RTRAF: variants seen among roughly 807,000 people sequenced by gnomAD.
RTRAF encodes the protein RNA transcription, translation and transport factor.
A neutral mutation model predicts 34.4 loss-of-function variants in RTRAF; 14 were observed. The ratio of observed to expected loss-of-function variants is 0.41; its 90% CI spans 0.27 to 0.64. The LOEUF (loss-of-function observed/expected upper bound fraction) is 0.64. Among genes scored for constraint, RTRAF ranks in the 30% least tolerant of loss-of-function variants. RTRAF has a pLI of 0.34. For synonymous variants in RTRAF, 96 were observed against 95.3 expected (o/e 1.01, Z -0.04); for missense variants, 291 against 288.4 (o/e 1.01, Z -0.06).
chr14:51,990,981 TTAAA>T (rs1239675099), intron 1 of RTRAF, among the ~76,000 whole-genome samples: 1 of 152,224 alleles, frequency 6.6e-6, no homozygotes, highest in African/African-American at 2.4e-5. Context: ...AAGAAACTTC[TTAAA>T]TAAAACAACT....
At position 52,010,055 on chromosome 14, in the gene RTRAF, A is replaced by G. The variant is rs547329658; in HGVS notation, c.*5539A>G. On this transcript the variant is annotated 3_prime_UTR_variant, in exon 8 of 8. Transcript: ENST00000261700. ...AAATGTCAGAAAGGCAAGCCTATGC[A>G]AAGAGTTTTTAAGAGGGCTATTAAT... 1.3e-5 allele frequency: 2 copies of G among 152,314 alleles called. No homozygotes were observed. The highest frequency in any genetic ancestry group is 3.9e-4 in the East Asian group (2 of 5,188). The allele number at this position is 152,314 out of a possible 1,614,324, so 9.4% of individuals were successfully genotyped here. A position where few individuals can be genotyped will look rare whatever the true frequency, so the allele number is the denominator to read the frequency against.
At chr14:51,998,670 G>T in intron 4 of RTRAF, 90 bp downstream of exon 4, 1 of 782,908 alleles carries the variant, frequency 1.3e-6, no homozygotes, top group Non-Finnish European at 2.0e-6. Flanking sequence ...GGTTTACTTG[G>T]TTTTAGTAAA....
chr14:52,004,574 GGCATGTTTGGAAATCA>G lies in RTRAF; in HGVS notation c.*59_*74del. 6.7e-7 allele frequency: 1 copy of G among 1,482,074 alleles called. No individual in the cohort carries two copies. The highest frequency in any genetic ancestry group is 9.0e-7 in the Non-Finnish European group (1 of 1,104,988). 91.8% of individuals were successfully genotyped at this position (1,482,074 alleles called of 1,614,324 possible). On this transcript the variant is annotated 3_prime_UTR_variant, in exon 8 of 8. Transcript: ENST00000261700. ...GTACAGTTGGGAACCATACACTTCTGGCATGTTTGGAAATCAAAATGTCACATTCTCGGGGGAGGAA... is the reference window on the plus strand; with the variant it reads ...GTACAGTTGGGAACCATACACTTCTGAAATGTCACATTCTCGGGGGAGGAA...
At chr14:51,996,014 T>C (rs1303486199) in intron 3 of RTRAF, among the ~76,000 whole-genome samples, 2 of 152,154 alleles carry the variant, frequency 1.3e-5, no homozygotes, top group Non-Finnish European at 2.9e-5. Context: ...GTTTATTTGT[T>C]TTATTCTATT....
rs1285036069 is a variant in RTRAF at position 52,005,868 on chromosome 14, A to C, written c.*1352A>C. The C allele has an allele frequency of 1.9e-6, 3 of 1,543,448 alleles. No individual in the cohort carries two copies. Among genetic ancestry groups the C allele is most frequent in the South Asian group, 2.2e-5 (2 of 89,628 alleles). On this transcript the variant is annotated 3_prime_UTR_variant, in exon 8 of 8. Coordinates refer to ENST00000261700, the MANE Select transcript of RTRAF (RefSeq NM_016039.3). ...ACCATCCCTGGTAACAGAAAGGAAG[A>C]GTGAATTCAGGGACAGTCATTTACT...
rs558433979 is a variant in RTRAF at position 52,007,737 on chromosome 14, G to T, written c.*3221G>T. The T allele has an allele frequency of 3.1e-6, 4 of 1,291,358 alleles. No homozygotes were observed. The highest frequency in any genetic ancestry group is 1.3e-5 in the South Asian group (1 of 78,796). The allele number at this position is 1,291,358 out of a possible 1,614,324, so 80.0% of individuals were successfully genotyped here. On this transcript the variant is annotated 3_prime_UTR_variant, in exon 8 of 8. Coordinates refer to ENST00000261700, the MANE Select transcript of RTRAF (RefSeq NM_016039.3). ...GATCTAAGTGATGGGATTTCATTTTGTAGTAAAATCTGTTAGTGCTCACAT... is the reference window on the plus strand; with the variant it reads ...GATCTAAGTGATGGGATTTCATTTTTTAGTAAAATCTGTTAGTGCTCACAT...
rs546122184 is a variant in RTRAF at position 52,005,700 on chromosome 14, G to A, written c.*1184G>A. The A allele has an allele frequency of 3.9e-6, 6 of 1,522,798 alleles. No individual in the cohort carries two copies. The highest frequency in any genetic ancestry group is 2.7e-5 in the African/African-American group (2 of 73,258). The allele number at this position is 1,522,798 out of a possible 1,614,324, so 94.3% of individuals were successfully genotyped here. A position where few individuals can be genotyped will look rare whatever the true frequency, so the allele number is the denominator to read the frequency against. On this transcript the variant is annotated 3_prime_UTR_variant, in exon 8 of 8. Coordinates refer to ENST00000261700, the MANE Select transcript of RTRAF (RefSeq NM_016039.3). ...ACCATATATATCCCTTCTCTACCCT[G>A]CTAATTTAAAGGAGCATCCTAAAGC...
At position 52,001,964 on chromosome 14, in the gene RTRAF, C is replaced by T; in HGVS notation, c.531+98C>T. ...CATGTATCTGTTTAAGATATCCATT[C>T]TACGTTCTACAACTTAGAGAAAGGA... is the stretch of plus-strand genomic sequence containing the variant. On this transcript the variant is annotated intron_variant, in intron 6 of 7. Coordinates refer to ENST00000261700, the MANE Select transcript of RTRAF (RefSeq NM_016039.3). 9.8e-6 allele frequency: 10 copies of T among 1,023,102 alleles called. No individual in the cohort carries two copies. The South Asian group carries it at 1.6e-4, about 17-fold the overall frequency. The allele number at this position is 1,023,102 out of a possible 1,614,324, so 63.4% of individuals were successfully genotyped here.
At chr14:51,991,528 G>A in intron 2 of RTRAF, 87 bp downstream of exon 2, 1 of 1,436,862 alleles carries the variant, frequency 7.0e-7, no homozygotes, top group Non-Finnish European at 9.5e-7. Flanking sequence ...CTTCTTTTAA[G>A]AAAAAAATGA....
Position 52,004,791 on chromosome 14 carries a change from AG to A in RTRAF, c.*276del, listed in dbSNP as rs2140333389. 3.5e-6 allele frequency: 1 copy of A among 289,608 alleles called. No homozygotes were observed. The highest frequency in any genetic ancestry group is 2.2e-5 in the African/African-American group (1 of 46,072). 17.9% of individuals were successfully genotyped at this position (289,608 alleles called of 1,614,324 possible). ...CCCAGCTTTGTCCTAGAGACAATAT[AG>A]ATCCTTAAGTCATAGGAAAACTTAA... On this transcript the variant is annotated 3_prime_UTR_variant, in exon 8 of 8. Transcript: ENST00000261700.
At position 51,989,658 on chromosome 14, in the gene RTRAF, A is replaced by T. The variant is rs1890392771; in HGVS notation, c.19A>T (p.Thr7Ser). MFRRKL[T>S]ALDYHNPAGF... ...GGGGACCATGTTCCGACGCAAGTTG[A>T]CGGCTCTCGACTACCACAACCCCGC... Residue 7 changes from threonine (T) to serine (S), a missense_variant, in exon 1 of 8, where the codon ACG (threonine) becomes TCG (serine). Coordinates refer to ENST00000261700, the MANE Select transcript of RTRAF (RefSeq NM_016039.3). 2 of 1,606,336 alleles carry T rather than the reference A, an allele frequency of 1.2e-6. No individual in the cohort carries two copies. Among genetic ancestry groups the T allele is most frequent in the Admixed American group, 3.4e-5 (2 of 59,480 alleles).
chr14:52,005,327 T>G lies in RTRAF; in HGVS notation c.*811T>G. The G allele has an allele frequency of 1.8e-6, 1 of 541,078 alleles. No individual in the cohort carries two copies. The highest frequency in any genetic ancestry group is 3.1e-5 in the East Asian group (1 of 32,076). 33.5% of individuals were successfully genotyped at this position (541,078 alleles called of 1,614,324 possible). A position where few individuals can be genotyped will look rare whatever the true frequency, so the allele number is the denominator to read the frequency against. ...CAGTAGTAAAGATTGAGGTATCAGC[T>G]TTTCACAAAAGTCTTTTTGCACTAC... On this transcript the variant is annotated 3_prime_UTR_variant, in exon 8 of 8. Transcript: ENST00000261700.
At position 52,005,010 on chromosome 14, in the gene RTRAF, T is replaced by C. The variant is rs539313315; in HGVS notation, c.*494T>C. ...CAGAGGTAAAAAATCTTAGAACTTT[T>C]GTTGGGAAACTATAAATAATTGGTC... On this transcript the variant is annotated 3_prime_UTR_variant, in exon 8 of 8. Coordinates refer to ENST00000261700, the MANE Select transcript of RTRAF (RefSeq NM_016039.3). 1 of 157,574 alleles carries C rather than the reference T, an allele frequency of 6.3e-6. No homozygotes were observed. Among genetic ancestry groups the C allele is most frequent in the East Asian group, 1.9e-4 (1 of 5,312 alleles). The allele number at this position is 157,574 out of a possible 1,614,324, so 9.8% of individuals were successfully genotyped here. A position where few individuals can be genotyped will look rare whatever the true frequency, so the allele number is the denominator to read the frequency against.
At chr14:51,992,247 A>T (rs1284784568) in intron 2 of RTRAF, among the ~76,000 whole-genome samples, 2 of 152,196 alleles carry the variant, frequency 1.3e-5, no homozygotes, top group African/African-American at 2.4e-5. Flanking sequence ...TACATTAAAC[A>T]TTTTCATCAG....
At chr14:51,997,214 C>T (rs950653575) in intron 3 of RTRAF, among the ~76,000 whole-genome samples, 2 of 151,810 alleles carry the variant, frequency 1.3e-5, no homozygotes, top group Admixed American at 1.3e-4. Flanking sequence ...TCAAGTTTCC[C>T]CCACTAGTTT....
chr14:52,007,699 AC>A lies in RTRAF; in HGVS notation c.*3185del. On this transcript the variant is annotated 3_prime_UTR_variant, in exon 8 of 8. Coordinates refer to ENST00000261700, the MANE Select transcript of RTRAF (RefSeq NM_016039.3). ...TTTACTAGTACTTAAAAGTTTACAG[AC>A]CAAAGAAAGGAGATCTAAGTGATGG... 1 of 1,001,250 alleles carries A rather than the reference AC, an allele frequency of 1.0e-6. No homozygotes were observed. Among genetic ancestry groups the A allele is most frequent in the Non-Finnish European group, 1.5e-6 (1 of 657,918 alleles). 62.0% of individuals were successfully genotyped at this position (1,001,250 alleles called of 1,614,324 possible).
rs371449276 is a variant in RTRAF at position 51,998,884 on chromosome 14, ACT to A, written c.373+307_373+308del. On this transcript the variant is annotated intron_variant, in intron 4 of 7. Transcript: ENST00000261700. ...TGTGTAAATTTCTTTTAATCCAATGACTCTATCAGACAAGTGGTAAAATTTTC... is the reference window on the plus strand; with the variant it reads ...TGTGTAAATTTCTTTTAATCCAATGACTATCAGACAAGTGGTAAAATTTTC... 1.6e-4 allele frequency among the ~76,000 whole-genome samples: 24 copies of A among 151,860 alleles called. No individual in the cohort carries two copies. The South Asian group carries it at 4.6e-3, about 29-fold the overall frequency.
rs1890975970 is a variant in RTRAF at position 52,010,614 on chromosome 14, T to A, written c.*6098T>A. On this transcript the variant is annotated 3_prime_UTR_variant, in exon 8 of 8. Coordinates refer to ENST00000261700, the MANE Select transcript of RTRAF (RefSeq NM_016039.3). ...CTAGTTCTCACAACACTATCTGAAT[T>A]TTCTACATATCACATCACAGACTAA... The A allele has an allele frequency of 2.7e-5, 9 of 336,140 alleles. No homozygotes were observed. In the South Asian group the frequency reaches 4.4e-4, roughly 16 times the overall value. The allele number at this position is 336,140 out of a possible 1,614,324, so 20.8% of individuals were successfully genotyped here.
At chr14:51,997,444 G>A (rs1458825562) in intron 3 of RTRAF, among the ~76,000 whole-genome samples, 1 of 151,766 alleles carries the variant, frequency 6.6e-6, no homozygotes, top group Non-Finnish European at 1.5e-5. Flanking sequence ...TGTTGATACT[G>A]TTCCAGATTT....
Sources: gnomAD v4.1 joint callset for allele counts (sites outside exome capture counted in the v4.1 genomes callset) on GRCh38, gnomAD v4.1.1 for gene constraint, MANE v1.5 for transcripts, NCBI Gene and HGNC (gene_info 2026-07-23, HGNC 2026-07-21) for gene names.